POF1B: variants seen among roughly 807,000 people sequenced by gnomAD.
The protein encoded by POF1B is protein POF1B.
In POF1B, 53 loss-of-function variants were observed where a neutral mutation model predicts 55.3. The ratio of observed to expected loss-of-function variants is 0.96; its 90% CI spans 0.77 to 1.20. POF1B has a LOEUF of 1.20. Ranked by LOEUF, POF1B falls within the 50% of genes most tolerant of loss-of-function variation. The probability of loss-of-function intolerance (pLI) is 0.00; values close to 1 mark genes in which losing one functional copy is unlikely to be tolerated. For synonymous variants in POF1B, 188 were observed against 148.3 expected (o/e 1.27, Z -1.95); for missense variants, 478 against 420.5 (o/e 1.14, Z -1.20).
intron 4 of POF1B, among the ~76,000 whole-genome samples, chrX:85,353,648 AT>A (rs1335634030): frequency 3.6e-5 from 4 of 111,064 alleles, no homozygotes; most frequent in African/African-American, 9.8e-5. Context: ...TTACAAAAAA[AT>A]GTCTGGGTAG....
Position 85,372,322 on chromosome X carries a change from C to A in POF1B, c.283-4556G>T, listed in dbSNP as rs180826983. The stretch of plus-strand genomic sequence containing the variant: ...TCGTGCCACTGTGCTCCAGGCTGGG[C>A]GACAGAGCGAGACTCTGTCTCAAAA... On this transcript the variant is annotated intron_variant, in intron 2 of 16. Transcript: ENST00000262753. Among the ~76,000 whole-genome samples the A allele has an allele frequency of 2.2e-4, 21 of 94,384 alleles. 1 individual carries two copies. Among genetic ancestry groups the A allele is most frequent in the Non-Finnish European group, 3.9e-4 (19 of 48,651 alleles). 82.0% of individuals were successfully genotyped at this position (94,384 alleles called of 115,157 possible).
At chrX:85,370,963 G>T (rs34802430) in intron 2 of POF1B, among the ~76,000 whole-genome samples, 7,334 of 111,643 alleles carry the variant, frequency 0.066, 542 homozygotes, top group African/African-American at 0.22. Context: ...AACAGTCAAT[G>T]TTTTTGTTTT....
At chrX:85,376,532 C>T (rs1437869887) in intron 2 of POF1B, among the ~76,000 whole-genome samples, 1 of 111,299 alleles carries the variant, frequency 9.0e-6, no homozygotes, top group Non-Finnish European at 1.9e-5. Context: ...AAAATTTCAC[C>T]AGCAACTGGT....
At chrX:85,311,469 T>C (rs1028723186) in intron 9 of POF1B, among the ~76,000 whole-genome samples, 2 of 110,737 alleles carry the variant, frequency 1.8e-5, no homozygotes, top group African/African-American at 6.6e-5. Context: ...TCTGTGTCAG[T>C]TTGCTGCGAA....
chrX:85,284,174 G>A (rs1354467652), intron 15 of POF1B, among the ~76,000 whole-genome samples: 1 of 111,457 alleles, frequency 9.0e-6, no homozygotes, highest in Non-Finnish European at 1.9e-5. Context: ...ACAAATGGAA[G>A]AACAGTCCAT....
chrX:85,316,373 G>A (rs780926072), intron 7 of POF1B, among the ~76,000 whole-genome samples: 9 of 111,380 alleles, frequency 8.1e-5, no homozygotes, highest in Non-Finnish European at 1.1e-4. Context: ...CACAGGGGTC[G>A]AAAGACCCTT....
chrX:85,282,364 CT>C (rs748264351), intron 15 of POF1B, 47 bp from the exon 16 acceptor site: 2 of 909,041 alleles, frequency 2.2e-6, no homozygotes, highest in Admixed American at 6.7e-5. Flanking sequence ...GAGAAAATAA[CT>C]TTCATTCCTT....
intron 7 of POF1B, among the ~76,000 whole-genome samples, chrX:85,328,173 TTTA>T (rs1359032361): frequency 2.9e-5 from 2 of 69,835 alleles, no homozygotes; most frequent in African/African-American, 1.2e-4. Flanking sequence ...ATCTTTTTTA[TTTA>T]TTTATTTATT....
At chrX:85,292,520 C>T (rs1206319165) in intron 15 of POF1B, among the ~76,000 whole-genome samples, 2 of 111,978 alleles carry the variant, frequency 1.8e-5, no homozygotes, top group Non-Finnish European at 3.8e-5. Flanking sequence ...GTCCCAGCTC[C>T]TCTTTGTACA....
At position 85,277,917 on chromosome X, in the gene POF1B, A is replaced by G. The variant is rs899598547; in HGVS notation, c.*1504T>C. ...TTTTGTTACAGTTACATATATGAAT[A>G]GTTAGCAGAGGAGAAACTCCTCCGT... On this transcript the variant is annotated 3_prime_UTR_variant, in exon 17 of 17. Coordinates refer to ENST00000262753, the MANE Select transcript of POF1B (RefSeq NM_024921.4). 2 of 111,126 alleles carry G rather than the reference A, an allele frequency of 1.8e-5. No individual in the cohort carries two copies. Among genetic ancestry groups the G allele is most frequent in the African/African-American group, 6.5e-5 (2 of 30,625 alleles). 9.2% of individuals were successfully genotyped at this position (111,126 alleles called of 1,213,427 possible). A position where few individuals can be genotyped will look rare whatever the true frequency, so the allele number is the denominator to read the frequency against.
At position 85,296,220 on chromosome X, in the gene POF1B, T is replaced by A. The variant is rs775710740; in HGVS notation, c.1649+7186A>T. Among the ~76,000 whole-genome samples the A allele has an allele frequency of 2.7e-5, 3 of 111,781 alleles. No homozygotes were observed. In the East Asian group the frequency reaches 8.6e-4, roughly 32 times the overall value. ...CACTCTATGTCTTTTAAGTGGGGCA[T>A]TTTGACTTTTTTACATTCAAGGTTA... is the stretch of plus-strand genomic sequence containing the variant. On this transcript the variant is annotated intron_variant, in intron 15 of 16. Coordinates refer to ENST00000262753, the MANE Select transcript of POF1B (RefSeq NM_024921.4).
In POF1B at chrX:85,305,840, A is replaced by G. The variant is rs1308886901; in HGVS notation, c.1388T>C (p.Met463Thr). The change falls in exon 13 of 17, where the codon ATG (methionine) becomes ACG (threonine). Residue 463 changes from methionine (M) to threonine (T), a missense_variant. Met to Thr is a moderately conservative substitution (Grantham distance 81). Coordinates refer to ENST00000262753, the MANE Select transcript of POF1B (RefSeq NM_024921.4). ...TTTCTCCATTCTCAAGTTTTTTACC[A>G]TCTCCGTGTAGTGGTTGCCAATCTC... is the stretch of plus-strand genomic sequence containing the variant. ...MDEIGNHYTE[M>T]VKNLRMEKDR... is the part of the protein sequence containing the mutation. The G allele has an allele frequency of 9.1e-6, 11 of 1,207,669 alleles. No individual in the cohort carries two copies. Among genetic ancestry groups the G allele is most frequent in the Non-Finnish European group, 1.2e-5 (11 of 893,777 alleles).
chrX:85,319,806 A>G (rs1003735152), intron 7 of POF1B, among the ~76,000 whole-genome samples: 2 of 111,633 alleles, frequency 1.8e-5, no homozygotes, highest in African/African-American at 6.5e-5. Flanking sequence ...ATCAATGTTC[A>G]TCAAGGATAT....
At chrX:85,364,267 T>C (rs1933677578) in intron 3 of POF1B, among the ~76,000 whole-genome samples, 1 of 111,466 alleles carries the variant, frequency 9.0e-6, no homozygotes, top group Non-Finnish European at 1.9e-5. Flanking sequence ...GGTATTGAAA[T>C]GTGTGCATTT....
At chrX:85,336,259 G>T (rs1933072538) in intron 6 of POF1B, among the ~76,000 whole-genome samples, 1 of 110,384 alleles carries the variant, frequency 9.1e-6, no homozygotes, top group African/African-American at 3.3e-5. Flanking sequence ...TAGACTGTTG[G>T]ATAAAGAAAA....
At chrX:85,291,830 G>T (rs1303757512) in intron 15 of POF1B, among the ~76,000 whole-genome samples, 1 of 111,220 alleles carries the variant, frequency 9.0e-6, no homozygotes, top group Non-Finnish European at 1.9e-5. Context: ...GACTGAGATT[G>T]TGGAGTTTTC....
intron 13 of POF1B, among the ~76,000 whole-genome samples, chrX:85,304,869 G>T (rs1385132223): frequency 9.0e-6 from 1 of 111,338 alleles, no homozygotes; most frequent in Admixed American, 9.6e-5. Context: ...AGTTCTCACA[G>T]CAGTCCCATG....
intron 6 of POF1B, among the ~76,000 whole-genome samples, chrX:85,345,148 A>G (rs1357682090): frequency 9.0e-6 from 1 of 111,282 alleles, no homozygotes; most frequent in Non-Finnish European, 1.9e-5. Flanking sequence ...GGAGATCTAG[A>G]AAAATACAAG....
chrX:85,288,498 C>T (rs906025382), intron 15 of POF1B, among the ~76,000 whole-genome samples: 2 of 111,498 alleles, frequency 1.8e-5, no homozygotes, highest in Non-Finnish European at 3.8e-5. Flanking sequence ...AAGTGGGTAC[C>T]TGCCCCAGTT....
Sources: gnomAD v4.1 joint callset for allele counts (sites outside exome capture counted in the v4.1 genomes callset) on GRCh38, gnomAD v4.1.1 for gene constraint, MANE v1.5 for transcripts, NCBI Gene and HGNC (gene_info 2026-07-23, HGNC 2026-07-21) for gene names.